NISCH: variants seen among roughly 807,000 people sequenced by gnomAD.
NISCH encodes I-1 receptor candidate protein.
A neutral mutation model predicts 138.4 loss-of-function variants in NISCH; 55 were observed. The observed-to-expected ratio is 0.40, with a 90% CI of 0.32 to 0.50. The LOEUF is 0.50. Among genes scored for constraint, NISCH ranks in the 20% least tolerant of loss-of-function variants. The pLI, the probability that NISCH is intolerant of heterozygous loss-of-function variation, is 0.71. For missense variants in NISCH, 1,643 were observed against 2,005.5 expected (o/e 0.82, Z 3.45); for synonymous variants, 860 against 861.5 (o/e 1.00, Z 0.03).
chr3:52,471,777 G>A (rs765263182), intron 4 of NISCH, 37 bp from the exon 5 acceptor site: 17 of 1,612,560 alleles, frequency 1.1e-5, no homozygotes, highest in African/African-American at 2.7e-5. Flanking sequence ...CTGGGGCTGC[G>A]GCTGGACACT....
intron 3 of NISCH, 39 bp from the exon 4 acceptor site, chr3:52,470,820 A>T (rs1480894909): frequency 1.3e-6 from 2 of 1,594,560 alleles, no homozygotes; most frequent in Non-Finnish European, 8.6e-7. Context: ...GACTGGGGTC[A>T]GGTGGACTTT....
chr3:52,480,432 G>A (rs1707238977), intron 13 of NISCH, 137 bp downstream of exon 13: 2 of 1,546,204 alleles, frequency 1.3e-6, no homozygotes. Context: ...GCCTTCTGCA[G>A]GCTGGTCCTC....
Position 52,489,371 on chromosome 3 carries a change from C to A in NISCH, c.3149C>A (p.Ala1050Asp). The change falls in exon 17 of 21, where the codon GCT (alanine) becomes GAT (aspartate). Residue 1050 changes from alanine to aspartate, a missense_variant. Ala to Asp is a moderately radical substitution (Grantham distance 126). Coordinates refer to ENST00000345716, the MANE Select transcript of NISCH (RefSeq NM_007184.4). The part of the protein sequence containing the change: ...DQRPQEVPAE[A>D]LAPAPAEVPA... ...CGTCCCCAGGAGGTCCCAGCAGAGG[C>A]TCTGGCCCCGGCCCCAGCGGAAGTC... is the stretch of plus-strand genomic sequence containing the variant. The A allele has an allele frequency of 6.2e-7, 1 of 1,611,944 alleles. No homozygotes were observed. Among genetic ancestry groups the A allele is most frequent in the Non-Finnish European group, 8.5e-7 (1 of 1,179,008 alleles).
Position 52,490,117 on chromosome 3 carries a change from G to A in NISCH, c.3499G>A (p.Val1167Met). The A allele has an allele frequency of 6.2e-7, 1 of 1,613,652 alleles. No homozygotes were observed. Among genetic ancestry groups the A allele is most frequent in the Non-Finnish European group, 8.5e-7 (1 of 1,180,030 alleles). ...GAGGCACCTCATGTGGTCCTCGGTG[G>A]TGTTCTACCAGACCCCAGGGCTGGA... ...ELRHLMWSSV[V>M]FYQTPGLEVT... Residue 1167 changes from valine (V) to methionine (M), a missense_variant, in exon 18 of 21, where the codon GTG (valine) becomes ATG (methionine). By Grantham distance (21) the Val-to-Met change is conservative (BLOSUM62 1). Transcript: ENST00000345716.
rs1469176046 is a variant in NISCH, at chr3:52,489,451, C to T, written c.3229C>T (p.Pro1077Ser). 1 of 1,600,622 alleles carries T rather than the reference C, an allele frequency of 6.2e-7. No individual in the cohort carries two copies. The highest frequency in any genetic ancestry group is 2.2e-5 in the East Asian group (1 of 44,772). The change falls in exon 17 of 21, where the codon CCA becomes TCA. Residue 1077 changes from proline to serine, a missense_variant. Physicochemically the swap from Pro to Ser is moderately conservative, Grantham distance 74. Coordinates refer to ENST00000345716, the MANE Select transcript of NISCH (RefSeq NM_007184.4). ...CTCAGGCCCAGCGAAGACTCCGGCC[C>T]CAGCAGAGGCCTCAACTTCAGCTTT... Reference protein sequence around the residue: ...SASGPAKTPAPAEASTSALVP... With the variant: ...SASGPAKTPASAEASTSALVP...
intron 7 of NISCH, chr3:52,475,725 C>T: frequency 6.6e-6 from 1 of 152,272 alleles, no homozygotes; most frequent in Non-Finnish European, 1.5e-5. Flanking sequence ...CGCCTGTAGT[C>T]CCAGCTACTC....
intron 13 of NISCH, chr3:52,481,561 G>A (rs1707274726): frequency 5.1e-6 from 5 of 985,438 alleles, no homozygotes; most frequent in African/African-American, 1.7e-5. Context: ...GGTACCATAT[G>A]ACTGTAGGCC....
intron 6 of NISCH, 45 bp from the exon 7 acceptor site, chr3:52,473,689 G>A (rs377267631): frequency 6.0e-5 from 84 of 1,402,068 alleles, no homozygotes; most frequent in South Asian, 3.3e-4. Context: ...GACTTCTGAC[G>A]GAGCAAGGAT....
At chr3:52,471,721 C>A in intron 4 of NISCH, 93 bp from the exon 5 acceptor site, 1 of 1,434,096 alleles carries the variant, frequency 7.0e-7, no homozygotes. Flanking sequence ...GGGTGCTTGC[C>A]AACTGCTTGT....
chr3:52,479,685 C>T, intron 11 of NISCH, 64 bp from the exon 12 acceptor site: 1 of 1,152,502 alleles, frequency 8.7e-7, no homozygotes, highest in Non-Finnish European at 1.3e-6. Flanking sequence ...ATAGCCATCA[C>T]CAGTCCCCAT....
At chr3:52,477,921 A>C in intron 9 of NISCH, 176 bp from the exon 10 acceptor site, 1 of 714,088 alleles carries the variant, frequency 1.4e-6, no homozygotes, top group South Asian at 1.8e-5. Flanking sequence ...CAGGGGTGCC[A>C]CTGTGCTGTG....
intron 7 of NISCH, among the ~76,000 whole-genome samples, chr3:52,474,882 T>A (rs1707056731): frequency 6.6e-6 from 1 of 152,200 alleles, no homozygotes; most frequent in South Asian, 2.1e-4. Context: ...ACGGCTTGAT[T>A]AGAAGGTGAG....
chr3:52,477,794 A>G (rs1209091570), intron 9 of NISCH, 152 bp downstream of exon 9: 1 of 678,080 alleles, frequency 1.5e-6, no homozygotes, highest in Non-Finnish European at 2.6e-6. Flanking sequence ...GCACTGAGTG[A>G]TTGTTGCTCT....
chr3:52,471,818 A>T lies in NISCH; in HGVS notation c.414A>T (p.Glu138Asp), dbSNP rs147461628. 925 of 1,613,996 alleles carry T rather than the reference A, an allele frequency of 5.7e-4. 1 individual carries two copies. Among genetic ancestry groups the T allele is most frequent in the Non-Finnish European group, 7.3e-4 (858 of 1,179,966 alleles). ...TTCAGGGCATGGCTCTTGCAGGAGA[A>T]CAGCTCCTGGGGGCCGGCGAGGTCT... Reference protein sequence around the residue: ...ALAEELFEKGEQLLGAGEVFA... With the variant: ...ALAEELFEKGDQLLGAGEVFA... The change falls in exon 5 of 21, where the codon GAA becomes GAT. Residue 138 changes from glutamate to aspartate, a missense_variant. Transcript: ENST00000345716.
In NISCH at chr3:52,471,627, T is replaced by C. The variant is rs549229654; in HGVS notation, c.410-187T>C. ...CCCTGCCCTCCTCTGTCATCACATG[T>C]CTAGGGTTGCCCTGTGCCTAGCAGG... is the stretch of plus-strand genomic sequence containing the variant. On this transcript the variant is annotated intron_variant, in intron 4 of 20. Transcript: ENST00000345716. 8.3e-5 allele frequency: 52 copies of C among 629,266 alleles called. No individual in the cohort carries two copies. In the African/African-American group the frequency reaches 9.0e-4, roughly 11 times the overall value. 39.0% of individuals were successfully genotyped at this position (629,266 alleles called of 1,614,324 possible).
rs1706924389 is a variant in NISCH, at chr3:52,470,847, T to C, written c.361-12T>C. 1 of 1,614,072 alleles carries C rather than the reference T, an allele frequency of 6.2e-7. No individual in the cohort carries two copies. Among genetic ancestry groups the C allele is most frequent in the Non-Finnish European group, 8.5e-7 (1 of 1,179,974 alleles). ...GTGGACTTTCTAAGGGCAAATTTTG[T>C]GTTCTCTGCAGGAGATAAATGGCAT... On this transcript the variant is annotated splice_polypyrimidine_tract_variant and intron_variant, in intron 3 of 20. Transcript: ENST00000345716.
At chr3:52,482,930 G>A (rs1048388413) in intron 13 of NISCH, among the ~76,000 whole-genome samples, 18 of 152,324 alleles carry the variant, frequency 1.2e-4, no homozygotes, top group Non-Finnish European at 2.2e-4. Context: ...CATGCGGGAG[G>A]ATGAGCCATG....
intron 3 of NISCH, among the ~76,000 whole-genome samples, chr3:52,469,629 G>A (rs1481569710): frequency 6.6e-6 from 1 of 152,080 alleles, no homozygotes; most frequent in Non-Finnish European, 1.5e-5. Context: ...AAATTAGTTG[G>A]TTGGCTAGGG....
At chr3:52,479,614 C>T (rs1466745544) in intron 11 of NISCH, 135 bp from the exon 12 acceptor site, 1 of 682,092 alleles carries the variant, frequency 1.5e-6, no homozygotes, top group Non-Finnish European at 2.5e-6. Context: ...AGCAGGTGCT[C>T]ACGCCTCCTC....
Sources: allele counts gnomAD v4.1 joint callset (sites outside exome capture counted in the v4.1 genomes callset), GRCh38; gene constraint gnomAD v4.1.1; transcripts MANE v1.5; gene names NCBI Gene and HGNC (gene_info 2026-07-23, HGNC 2026-07-21).